Variants in CSMD1 observed in about 807,000 individuals in gnomAD.
CSMD1 encodes the protein CUB and sushi domain-containing protein 1.
In CSMD1, 213 loss-of-function variants were observed where a neutral mutation model predicts 417.5. That is an observed-to-expected ratio of 0.51 (90% CI 0.46 to 0.57). The LOEUF is 0.57. Ranked by LOEUF, CSMD1 falls within the 20% of genes least tolerant of loss-of-function variation. The pLI is 0.00. For missense variants in CSMD1, 6,923 were observed against 4,529.7 expected (o/e 1.53, Z -15.17); for synonymous variants, 2,862 against 1,736.8 (o/e 1.65, Z -16.11).
chr8:4,282,812 T>C (rs959632647), intron 3 of CSMD1, among the ~76,000 whole-genome samples: 2 of 152,174 alleles, frequency 1.3e-5, no homozygotes, highest in Admixed American at 1.3e-4. Flanking sequence ...GAGTCGGGTA[T>C]ATATCAGATT....
intron 2 of CSMD1, among the ~76,000 whole-genome samples, chr8:4,579,947 A>G (rs1307091613): frequency 6.6e-6 from 1 of 152,118 alleles, no homozygotes; most frequent in Non-Finnish European, 1.5e-5. Flanking sequence ...CCTGTATTTT[A>G]TGTTTACATT....
At chr8:4,675,665 A>T (rs1419757518) in intron 1 of CSMD1, among the ~76,000 whole-genome samples, 2 of 152,200 alleles carry the variant, frequency 1.3e-5, no homozygotes, top group Non-Finnish European at 2.9e-5. Flanking sequence ...CAATCTCAAA[A>T]TTGAGCTGTT....
intron 3 of CSMD1, among the ~76,000 whole-genome samples, chr8:4,119,931 T>C (rs1802384919): frequency 7.4e-6 from 1 of 135,542 alleles, no homozygotes; most frequent in Non-Finnish European, 1.6e-5. Context: ...TGAGAGGAGC[T>C]GGGGATGGTT....
rs546481850 is a variant in CSMD1, at chr8:4,017,093, C to T, written c.610+14812G>A. ...AAGACTTCAGAATGTACTCAGTGACCGCGGTGTTCAGCCAGCCTTGCTGGA... is the reference window on the plus strand; with the variant it reads ...AAGACTTCAGAATGTACTCAGTGACTGCGGTGTTCAGCCAGCCTTGCTGGA... On this transcript the variant is annotated intron_variant, in intron 4 of 69. Coordinates refer to ENST00000635120, the MANE Select transcript of CSMD1 (RefSeq NM_033225.6). Among the ~76,000 whole-genome samples, 3 of 152,258 alleles carry T rather than the reference C, an allele frequency of 2.0e-5. No homozygotes were observed. In the South Asian group the frequency reaches 6.2e-4, roughly 32 times the overall value.
chr8:3,737,447 G>A (rs188891455), intron 6 of CSMD1, among the ~76,000 whole-genome samples: 2 of 152,162 alleles, frequency 1.3e-5, no homozygotes, highest in African/African-American at 4.8e-5. Context: ...TAAAGTTACA[G>A]AAAAATTAAT....
chr8:4,842,313 T>C (rs189023416), intron 1 of CSMD1, among the ~76,000 whole-genome samples: 3 of 152,220 alleles, frequency 2.0e-5, no homozygotes, highest in African/African-American at 7.2e-5. Flanking sequence ...GAAAAATTAT[T>C]TACCAGAATT....
In CSMD1 at chr8:3,131,032, T is replaced by A. The variant is rs114349211; in HGVS notation, c.6241+11433A>T. On this transcript the variant is annotated intron_variant, in intron 41 of 69. Transcript: ENST00000635120. ...TACGGTCCTCCAGCGTTCATAACTG[T>A]TTTAATCTGAACTACTTTGGCATTC... is the stretch of plus-strand genomic sequence containing the variant. 4.7e-3 allele frequency among the ~76,000 whole-genome samples: 714 copies of A among 152,326 alleles called. 4 individuals carry two copies. Among genetic ancestry groups the A allele is most frequent in the African/African-American group, 0.017 (691 of 41,566 alleles).
Position 4,071,471 on chromosome 8 carries a change from T to C in CSMD1, c.416-39372A>G, listed in dbSNP as rs570823138. Among the ~76,000 whole-genome samples, 8 of 152,308 alleles carry C rather than the reference T, an allele frequency of 5.3e-5. No homozygotes were observed. The East Asian group carries it at 5.8e-4, about 11-fold the overall frequency. On this transcript the variant is annotated intron_variant, in intron 3 of 69. Transcript: ENST00000635120. ...TTTATAACGCCTATTTTTTTCCTGA[T>C]ATTTCTAACTTTTTTTCACCAAGAG...
chr8:3,724,199 T>G (rs1481957703), intron 6 of CSMD1, among the ~76,000 whole-genome samples: 1 of 145,758 alleles, frequency 6.9e-6, no homozygotes, highest in African/African-American at 2.7e-5. Flanking sequence ...TTACTACTTT[T>G]TTTTTTTTAT....
intron 11 of CSMD1, among the ~76,000 whole-genome samples, chr8:3,481,170 A>AG (rs1563079089): frequency 6.7e-6 from 1 of 150,372 alleles, no homozygotes; most frequent in African/African-American, 2.4e-5. Context: ...AAAAAAAAAA[A>AG]AAAAAAAAAC....
At chr8:3,247,576 C>T (rs1799964071) in intron 26 of CSMD1, among the ~76,000 whole-genome samples, 2 of 152,266 alleles carry the variant, frequency 1.3e-5, no homozygotes, top group Non-Finnish European at 2.9e-5. Flanking sequence ...CAGAGGATGG[C>T]CCAGGACATT....
chr8:3,286,359 G>C (rs1803158634), intron 25 of CSMD1, among the ~76,000 whole-genome samples: 1 of 152,070 alleles, frequency 6.6e-6, no homozygotes, highest in Non-Finnish European at 1.5e-5. Context: ...GGATGGCTGG[G>C]TCAAATGGTA....
At chr8:4,034,672 G>T (rs1310020414) in intron 3 of CSMD1, among the ~76,000 whole-genome samples, 2 of 152,160 alleles carry the variant, frequency 1.3e-5, no homozygotes, top group African/African-American at 2.4e-5. Flanking sequence ...GAGTGAGAAA[G>T]GGAGTGATTA....
rs189234863 is a variant in CSMD1, at chr8:3,222,379, A to G, written c.4484+1350T>C. ...TGCTCAGCTCAGACTAGACACTCAT[A>G]GCTCATTGCAGCCTCCACCTCCTGG... is the stretch of plus-strand genomic sequence containing the variant. On this transcript the variant is annotated intron_variant, in intron 28 of 69. Coordinates refer to ENST00000635120, the MANE Select transcript of CSMD1 (RefSeq NM_033225.6). Among the ~76,000 whole-genome samples, 6 of 152,034 alleles carry G rather than the reference A, an allele frequency of 3.9e-5. No individual in the cohort carries two copies. In the South Asian group the frequency reaches 8.3e-4, roughly 21 times the overall value.
intron 3 of CSMD1, among the ~76,000 whole-genome samples, chr8:4,152,858 G>A (rs924474485): frequency 6.6e-6 from 1 of 152,052 alleles, no homozygotes; most frequent in Non-Finnish European, 1.5e-5. Context: ...GTGTATTTAT[G>A]GAGAAATGAG....
chr8:4,896,036 A>C (rs1189298096), intron 1 of CSMD1, among the ~76,000 whole-genome samples: 1 of 152,086 alleles, frequency 6.6e-6, no homozygotes, highest in Non-Finnish European at 1.5e-5. Flanking sequence ...TGATTCTACA[A>C]TTCTTTGTAG....
rs141829572 is a variant in CSMD1 at position 4,239,122 on chromosome 8, T to G, written c.415+180831A>C. Among the ~76,000 whole-genome samples, 98 of 152,326 alleles carry G rather than the reference T, an allele frequency of 6.4e-4. No homozygotes were observed. In the East Asian group the frequency reaches 0.019, roughly 29 times the overall value. ...TTTTCTTAAGGGAGATTATGTGGGT[T>G]AAAACAATTTACTCCCCAATTAAAA... On this transcript the variant is annotated intron_variant, in intron 3 of 69. Coordinates refer to ENST00000635120, the MANE Select transcript of CSMD1 (RefSeq NM_033225.6).
chr8:3,021,963 T>TGGAATGCACCTGCAATCCCACAGCATCA (rs1563247463), intron 51 of CSMD1, among the ~76,000 whole-genome samples: 1 of 113,096 alleles, frequency 8.8e-6, no homozygotes, highest in African/African-American at 3.4e-5. Context: ...CCACAGCATC[T>TGGAATGCACCTGCAATCCCACAGCATCA]GGAATGCACC....
chr8:4,649,946 C>G (rs972814493), intron 1 of CSMD1, among the ~76,000 whole-genome samples: 3 of 152,186 alleles, frequency 2.0e-5, no homozygotes, highest in African/African-American at 7.2e-5. Context: ...CACAACTCCA[C>G]AGAGTGTCGT....
Sources: allele counts gnomAD v4.1 joint callset (sites outside exome capture counted in the v4.1 genomes callset), GRCh38; gene constraint gnomAD v4.1.1; transcripts MANE v1.5; gene names NCBI Gene and HGNC (gene_info 2026-07-23, HGNC 2026-07-21).